Variants in CEP164 observed in about 807,000 individuals in gnomAD.
CEP164 encodes the protein centrosomal protein 164.
CEP164 carries 162 observed loss-of-function variants against 182.7 expected under a neutral mutation model. That is an observed-to-expected ratio of 0.89 (90% CI 0.78 to 1.01). The LOEUF is 1.01. CEP164 is among the 50% of genes least tolerant of loss of function. The probability of loss-of-function intolerance (pLI) is 0.00; values close to 1 mark genes in which losing one functional copy is unlikely to be tolerated. For synonymous variants in CEP164, 661 were observed against 690.0 expected (o/e 0.96, Z 0.66); for missense variants, 1,735 against 1,790.4 (o/e 0.97, Z 0.56).
chr11:117,384,614 T>C (rs1690864560), intron 14 of CEP164: 1 of 152,262 alleles, frequency 6.6e-6, no homozygotes, highest in African/African-American at 2.4e-5. Context: ...TGTCTTGTGT[T>C]TCTCCCGCCA....
At chr11:117,339,527 T>G (rs988128146) in intron 3 of CEP164, among the ~76,000 whole-genome samples, 1 of 125,624 alleles carries the variant, frequency 8.0e-6, no homozygotes, top group Non-Finnish European at 1.7e-5. Context: ...TTTTTGTTTT[T>G]TTTTTTTTTT....
chr11:117,361,759 A>G, intron 5 of CEP164, 76 bp from the exon 6 acceptor site: 1 of 1,505,256 alleles, frequency 6.6e-7, no homozygotes, highest in Non-Finnish European at 9.2e-7. Flanking sequence ...TAGATGTTTT[A>G]TTTTTATATC....
chr11:117,392,310 T>G lies in CEP164; in HGVS notation c.2361+7T>G. On this transcript the variant is annotated splice_region_variant and intron_variant, in intron 18 of 32. Coordinates refer to ENST00000278935, the MANE Select transcript of CEP164 (RefSeq NM_014956.5). ...GGAGGCCAAGCACCGGGAGGTAAGA[T>G]GCAGCATCCTGGGCCCCCTTCATGG... The G allele has an allele frequency of 1.2e-6, 2 of 1,608,448 alleles. No individual in the cohort carries two copies. Among genetic ancestry groups the G allele is most frequent in the Non-Finnish European group, 1.7e-6 (2 of 1,179,028 alleles).
chr11:117,375,159 T>A (rs2042604277), intron 10 of CEP164, among the ~76,000 whole-genome samples: 1 of 152,188 alleles, frequency 6.6e-6, no homozygotes, highest in Non-Finnish European at 1.5e-5. Flanking sequence ...TTTCTGGGGA[T>A]GTTGGCATCT....
At chr11:117,353,321 T>G (rs973321476) in intron 5 of CEP164, among the ~76,000 whole-genome samples, 3 of 152,268 alleles carry the variant, frequency 2.0e-5, no homozygotes, top group Admixed American at 2.0e-4. Context: ...CTGAGAAACA[T>G]GGTAACAAGC....
rs921192920 is a variant in CEP164 at position 117,344,159 on chromosome 11, C to T, written c.83-7C>T. ...TCTTACTTTCCCACCTCTGCCTCTC[C>T]TTGCAGAAATTCTTGAATTTGCCCG... On this transcript the variant is annotated splice_region_variant and splice_polypyrimidine_tract_variant and intron_variant, in intron 3 of 32. Coordinates refer to ENST00000278935, the MANE Select transcript of CEP164 (RefSeq NM_014956.5). 6.3e-7 allele frequency: 1 copy of T among 1,584,488 alleles called. No homozygotes were observed. The highest frequency in any genetic ancestry group is 8.6e-7 in the Non-Finnish European group (1 of 1,156,164).
chr11:117,334,412 AT>A (rs994788793), intron 1 of CEP164, among the ~76,000 whole-genome samples: 4 of 152,098 alleles, frequency 2.6e-5, no homozygotes, highest in African/African-American at 9.7e-5. Flanking sequence ...CCATATTTTA[AT>A]TTTTTTCTGG....
rs557574554 is a variant in CEP164 at position 117,334,163 on chromosome 11, T to TA, written c.-97-1440dup. ...GAGTAGCAGCAGCTGAATCTGTTTT[T>TA]AATCACGATTGCATCTCTAGCGCCT... On this transcript the variant is annotated intron_variant, in intron 1 of 32. Transcript: ENST00000278935. Among the ~76,000 whole-genome samples, 250 of 152,322 alleles carry TA rather than the reference T, an allele frequency of 1.6e-3. 3 individuals carry two copies. The highest frequency in any genetic ancestry group is 5.7e-3 in the African/African-American group (235 of 41,582).
chr11:117,356,081 T>C (rs2040261513), intron 5 of CEP164: 3 of 1,088,636 alleles, frequency 2.8e-6, no homozygotes, highest in East Asian at 1.7e-4. Context: ...CAACTTCCCT[T>C]GGAACCTGCA....
chr11:117,367,048 G>A (rs946731224), intron 8 of CEP164, among the ~76,000 whole-genome samples: 8 of 152,206 alleles, frequency 5.3e-5, no homozygotes, highest in African/African-American at 1.9e-4. Context: ...TGAGGGCAAC[G>A]CTGTGTTGAG....
chr11:117,376,330 T>G (rs2042740295), intron 11 of CEP164, among the ~76,000 whole-genome samples: 1 of 152,226 alleles, frequency 6.6e-6, no homozygotes. Context: ...CACTCTTGTT[T>G]TGTTTGATGG....
At chr11:117,341,377 C>T (rs183127432) in intron 3 of CEP164, among the ~76,000 whole-genome samples, 1 of 152,186 alleles carries the variant, frequency 6.6e-6, no homozygotes, top group African/African-American at 2.4e-5. Context: ...AACATAACAC[C>T]CTTGATGGGA....
rs375647094 is a variant in CEP164, at chr11:117,371,457, C to T, written c.1143C>T (p.Asp381=). 2.0e-5 allele frequency: 32 copies of T among 1,608,092 alleles called. No individual in the cohort carries two copies. The highest frequency in any genetic ancestry group is 1.7e-4 in the Middle Eastern group (1 of 5,738). The part of the protein sequence containing the change: ...KASALEEGSS[D]ASQELEISEH... ...CTGCTCTGGAAGAGGGCAGTTCAGA[C>T]GCCAGCCAAGTAAGTCACTGTATCC... is the stretch of plus-strand genomic sequence containing the variant. Residue 381 remains aspartate, a synonymous_variant, in exon 9 of 33, where the codon GAC becomes GAT. Coordinates refer to ENST00000278935, the MANE Select transcript of CEP164 (RefSeq NM_014956.5).
intron 5 of CEP164, chr11:117,355,956 C>G (rs1256955347): frequency 2.4e-5 from 26 of 1,102,756 alleles, no homozygotes; most frequent in Non-Finnish European, 2.9e-5. Flanking sequence ...GCAGAGCTCC[C>G]TTATAAAGAT....
chr11:117,335,416 C>T lies in CEP164; in HGVS notation c.-97-189C>T, dbSNP rs61903735. On this transcript the variant is annotated intron_variant, in intron 1 of 32. Coordinates refer to ENST00000278935, the MANE Select transcript of CEP164 (RefSeq NM_014956.5). ...GAACCATGTCTTGTGAGTCCTAAGG[C>T]AGGACTCCTCTGTTGCCCACCCGTT... Among the ~76,000 whole-genome samples the T allele has an allele frequency of 8.8e-3, 1,344 of 152,084 alleles. 27 individuals are homozygous for T. Among genetic ancestry groups the T allele is most frequent in the Non-Finnish European group, 0.01 (695 of 67,986 alleles).
chr11:117,357,637 G>A (rs1233211392), intron 5 of CEP164, among the ~76,000 whole-genome samples: 1 of 152,112 alleles, frequency 6.6e-6, no homozygotes, highest in African/African-American at 2.4e-5. Context: ...GGCCAGGCTG[G>A]TATCAAACTC....
At chr11:117,361,752 A>G (rs1268435538) in intron 5 of CEP164, 83 bp from the exon 6 acceptor site, 2 of 1,417,888 alleles carry the variant, frequency 1.4e-6, no homozygotes, top group East Asian at 2.3e-5. Flanking sequence ...CAGGATTTAG[A>G]TGTTTTATTT....
At chr11:117,354,767 TTTA>T (rs1263265062) in intron 5 of CEP164, among the ~76,000 whole-genome samples, 1 of 85,566 alleles carries the variant, frequency 1.2e-5, no homozygotes, top group Non-Finnish European at 2.3e-5. Context: ...TGCTATTGAT[TTTA>T]TTTATTTATT....
At chr11:117,393,274 A>C in intron 20 of CEP164, 148 bp downstream of exon 20, 2 of 1,370,900 alleles carry the variant, frequency 1.5e-6, no homozygotes, top group South Asian at 2.9e-5. Flanking sequence ...GGAAGGGGAT[A>C]AACTGTGGTC....
Sources: allele counts gnomAD v4.1 joint callset (sites outside exome capture counted in the v4.1 genomes callset), GRCh38; gene constraint gnomAD v4.1.1; transcripts MANE v1.5; gene names NCBI Gene and HGNC (gene_info 2026-07-23, HGNC 2026-07-21).